MICU1: variants seen among roughly 807,000 people sequenced by gnomAD.
MICU1 encodes calcium uptake protein 1, mitochondrial.
In MICU1, 45 loss-of-function variants were observed where a neutral mutation model predicts 56.8. That is an observed-to-expected ratio of 0.79 (90% confidence interval 0.62 to 1.02). The LOEUF is 1.02. Among genes scored for constraint, MICU1 ranks in the 50% least tolerant of loss-of-function variants. The pLI is 0.00. For missense variants in MICU1, 504 were observed against 587.1 expected (o/e 0.86, Z 1.46); for synonymous variants, 186 against 195.1 (o/e 0.95, Z 0.39).
chr10:72,475,514 C>T (rs905687333), intron 7 of MICU1, among the ~76,000 whole-genome samples: 2 of 151,960 alleles, frequency 1.3e-5, no homozygotes, highest in Non-Finnish European at 2.9e-5. Context: ...CTGCAACCTC[C>T]ACCTCCCGGG....
At chr10:72,613,041 A>G (rs1186188231) in intron 1 of MICU1, among the ~76,000 whole-genome samples, 1 of 152,068 alleles carries the variant, frequency 6.6e-6, no homozygotes, top group Non-Finnish European at 1.5e-5. Flanking sequence ...TTTCAGAAAA[A>G]AAATTAACAT....
At position 72,614,595 on chromosome 10, in the gene MICU1, G is replaced by A. The variant is rs146879302; in HGVS notation, c.-2+11415C>T. ...ATGTCATTTCACCTTCAAAAGGAAG[G>A]AAATTCTAGCATATGCTACAACATG... On this transcript the variant is annotated intron_variant, in intron 1 of 11. Transcript: ENST00000361114. Among the ~76,000 whole-genome samples, 35 of 152,286 alleles carry A rather than the reference G, an allele frequency of 2.3e-4. No homozygotes were observed. In the East Asian group the frequency reaches 6.4e-3, roughly 28 times the overall value.
chr10:72,433,594 AT>A (rs1443573171), intron 8 of MICU1, among the ~76,000 whole-genome samples: 1 of 151,680 alleles, frequency 6.6e-6, no homozygotes, highest in Non-Finnish European at 1.5e-5. Context: ...CGCCTGGCTA[AT>A]TTTTTTGTAT....
At chr10:72,564,927 C>T (rs1300196211) in intron 2 of MICU1, among the ~76,000 whole-genome samples, 1 of 152,040 alleles carries the variant, frequency 6.6e-6, no homozygotes, top group African/African-American at 2.4e-5. Context: ...AGGAACCTCA[C>T]TGAACACCCA....
intron 11 of MICU1, among the ~76,000 whole-genome samples, chr10:72,373,875 A>AG (rs1862429193): frequency 6.6e-6 from 1 of 152,228 alleles, no homozygotes; most frequent in African/African-American, 2.4e-5. Flanking sequence ...GCTGTGCATT[A>AG]GAACTCTCTG....
intron 1 of MICU1, among the ~76,000 whole-genome samples, chr10:72,599,195 C>T (rs1006433522): frequency 6.6e-6 from 1 of 152,116 alleles, no homozygotes; most frequent in Non-Finnish European, 1.5e-5. Context: ...TTTGTGTTAA[C>T]ACAAAGCATT....
chr10:72,540,707 G>T (rs1007686158), intron 4 of MICU1, among the ~76,000 whole-genome samples: 32 of 152,306 alleles, frequency 2.1e-4, no homozygotes, highest in Middle Eastern at 3.4e-3. Flanking sequence ...TGGCATGGTA[G>T]ATTAGATTAC....
chr10:72,455,365 A>AG (rs1865429405), intron 8 of MICU1, among the ~76,000 whole-genome samples: 1 of 151,284 alleles, frequency 6.6e-6, no homozygotes, highest in East Asian at 1.9e-4. Flanking sequence ...AAAAAAAAAA[A>AG]AAAAAAAAAA....
chr10:72,504,936 A>C (rs1164762136), intron 6 of MICU1, among the ~76,000 whole-genome samples: 1 of 151,858 alleles, frequency 6.6e-6, no homozygotes, highest in African/African-American at 2.4e-5. Context: ...ATGCCATCTC[A>C]CACCGGTCAG....
intron 3 of MICU1, among the ~76,000 whole-genome samples, chr10:72,557,622 T>C (rs933226349): frequency 6.6e-6 from 1 of 152,230 alleles, no homozygotes; most frequent in African/African-American, 2.4e-5. Flanking sequence ...CAGACTTAAA[T>C]TTTATTCCTG....
intron 1 of MICU1, among the ~76,000 whole-genome samples, chr10:72,595,813 A>G (rs566702229): frequency 2.6e-5 from 4 of 152,170 alleles, no homozygotes; most frequent in Admixed American, 1.3e-4. Context: ...TTTCCCATAG[A>G]GGCTTTTTAA....
At chr10:72,470,408 A>AAGAAC (rs1865916180) in intron 8 of MICU1, among the ~76,000 whole-genome samples, 1 of 152,210 alleles carries the variant, frequency 6.6e-6, no homozygotes, top group Non-Finnish European at 1.5e-5. Context: ...ATAATTGATA[A>AAGAAC]AGAACAGAAG....
At chr10:72,505,954 CTAAAA>C (rs1451339743) in intron 6 of MICU1, among the ~76,000 whole-genome samples, 2 of 129,636 alleles carry the variant, frequency 1.5e-5, no homozygotes, top group African/African-American at 5.7e-5. Context: ...CTCTCTGAAT[CTAAAA>C]TAAAAGTTGA....
intron 1 of MICU1, among the ~76,000 whole-genome samples, chr10:72,567,666 G>A (rs1268781936): frequency 1.3e-5 from 2 of 152,210 alleles, no homozygotes; most frequent in Non-Finnish European, 2.9e-5. Flanking sequence ...GCCAGGGGAA[G>A]CCACCCATGG....
At chr10:72,401,148 T>C (rs1262797561) in intron 10 of MICU1, among the ~76,000 whole-genome samples, 1 of 152,036 alleles carries the variant, frequency 6.6e-6, no homozygotes, top group Non-Finnish European at 1.5e-5. Context: ...AGAAGTTATA[T>C]GGATTAATAA....
intron 9 of MICU1, among the ~76,000 whole-genome samples, chr10:72,414,704 T>C (rs1251822769): frequency 1.3e-5 from 2 of 152,220 alleles, no homozygotes; most frequent in Non-Finnish European, 2.9e-5. Context: ...ATATAAATTA[T>C]ACCTCAAAAA....
At chr10:72,539,667 A>G (rs1460777879) in intron 4 of MICU1, among the ~76,000 whole-genome samples, 1 of 152,188 alleles carries the variant, frequency 6.6e-6, no homozygotes, top group Admixed American at 6.5e-5. Flanking sequence ...CTAATATTGC[A>G]TCTTAGGGAA....
chr10:72,571,365 A>G (rs945501731), intron 1 of MICU1, among the ~76,000 whole-genome samples: 4 of 152,208 alleles, frequency 2.6e-5, no homozygotes, highest in Non-Finnish European at 5.9e-5. Flanking sequence ...CCCTACCTCA[A>G]AAAGCCAAAA....
intron 9 of MICU1, among the ~76,000 whole-genome samples, chr10:72,411,108 C>T (rs971009332): frequency 2.7e-5 from 4 of 150,890 alleles, no homozygotes; most frequent in African/African-American, 9.9e-5. Context: ...AATAAACTAG[C>T]CACAAAAGGA....
Sources: allele counts gnomAD v4.1 joint callset (sites outside exome capture counted in the v4.1 genomes callset), GRCh38; gene constraint gnomAD v4.1.1; transcripts MANE v1.5; gene names NCBI Gene and HGNC (gene_info 2026-07-23, HGNC 2026-07-21).